CD99: variants seen among roughly 807,000 people sequenced by gnomAD.
CD99 encodes the protein CD99 molecule (Xg blood group).
CD99 carries 19 observed loss-of-function variants against 28.4 expected under a neutral mutation model. That is an observed-to-expected ratio of 0.67 (90% confidence interval 0.47 to 0.98). The LOEUF is 0.98. Among genes scored for constraint, CD99 ranks in the 50% least tolerant of loss-of-function variants. The pLI is 0.00. For synonymous variants in CD99, 103 were observed against 92.1 expected (o/e 1.12, Z -0.67); for missense variants, 283 against 248.8 (o/e 1.14, Z -0.92).
At chrX:2,733,585 T>A (rs755767560) in intron 8 of CD99, 2 of 561,792 alleles carry the variant, frequency 3.6e-6, no homozygotes, top group African/African-American at 3.7e-5. Flanking sequence ...AAGCTCATTA[T>A]AGCAAATCAT....
chrX:2,719,643 C>G lies in CD99; in HGVS notation c.149-18C>G. 3 of 1,612,264 alleles carry G rather than the reference C, an allele frequency of 1.9e-6. No homozygotes were observed. The highest frequency in any genetic ancestry group is 2.5e-6 in the Non-Finnish European group (3 of 1,178,336). On this transcript the variant is annotated intron_variant, in intron 3 of 9. Coordinates refer to ENST00000381192, the MANE Select transcript of CD99 (RefSeq NM_002414.5). ...TCTCTCTGGAATTTGGTATTAACTG[C>G]TCTTTCCCCTCTTTTAGGGGATGAC...
chrX:2,704,863 C>T (rs2048045149), intron 1 of CD99, among the ~76,000 whole-genome samples: 1 of 152,150 alleles, frequency 6.6e-6, no homozygotes, highest in Non-Finnish European at 1.5e-5. Flanking sequence ...CATGGGAGTG[C>T]GTCACAACAC....
chrX:2,693,214 C>T (rs1450821525), intron 1 of CD99, among the ~76,000 whole-genome samples: 1 of 151,498 alleles, frequency 6.6e-6, no homozygotes, highest in African/African-American at 2.4e-5. Context: ...ACGATGTCGG[C>T]TCATTGGCGT....
intron 8 of CD99, among the ~76,000 whole-genome samples, chrX:2,734,052 C>T (rs1037013309): frequency 1.3e-5 from 2 of 152,176 alleles, no homozygotes; most frequent in African/African-American, 4.8e-5. Flanking sequence ...CACATTTGAG[C>T]ACGGAGCCTC....
chrX:2,735,250 G>A (rs1489102390), intron 8 of CD99, among the ~76,000 whole-genome samples: 1 of 152,152 alleles, frequency 6.6e-6, no homozygotes, highest in Non-Finnish European at 1.5e-5. Context: ...ACAAAGCATA[G>A]GTACCCATTA....
intron 1 of CD99, among the ~76,000 whole-genome samples, chrX:2,711,993 G>C (rs774634190): frequency 6.6e-6 from 1 of 152,252 alleles, no homozygotes; most frequent in African/African-American, 2.4e-5. Flanking sequence ...AGTGAGCCAA[G>C]ATCATCGCAC....
At chrX:2,708,471 C>T (rs150783581) in intron 1 of CD99, among the ~76,000 whole-genome samples, 4 of 152,150 alleles carry the variant, frequency 2.6e-5, no homozygotes, top group East Asian at 3.9e-4. Flanking sequence ...GAGCCTTGAG[C>T]GATGGAAGCT....
chrX:2,741,172 C>A lies in CD99; in HGVS notation c.*368C>A. On this transcript the variant is annotated 3_prime_UTR_variant, in exon 10 of 10. Coordinates refer to ENST00000381192, the MANE Select transcript of CD99 (RefSeq NM_002414.5). ...TTACAAATCACGTGTCCATCGAGCA[C>A]GTCTGAAACCCCTGGTAGCCCCGAC... is the stretch of plus-strand genomic sequence containing the variant. 1 of 277,350 alleles carries A rather than the reference C, an allele frequency of 3.6e-6. No homozygotes were observed. The highest frequency in any genetic ancestry group is 6.6e-5 in the East Asian group (1 of 15,182). The allele number at this position is 277,350 out of a possible 1,614,324, so 17.2% of individuals were successfully genotyped here.
chrX:2,716,876 G>A (rs1455563139), intron 2 of CD99, among the ~76,000 whole-genome samples: 1 of 152,196 alleles, frequency 6.6e-6, no homozygotes, highest in Non-Finnish European at 1.5e-5. Context: ...GCAGAGGCCT[G>A]ACGGGGCCAA....
At chrX:2,691,686 C>G (rs1235691173) in intron 1 of CD99, 3 of 703,384 alleles carry the variant, frequency 4.3e-6, no homozygotes, top group African/African-American at 1.7e-5. Context: ...GTGGGGCGGC[C>G]TTGGGAGAGG....
chrX:2,722,354 C>G (rs759480361), intron 5 of CD99, among the ~76,000 whole-genome samples: 1 of 152,088 alleles, frequency 6.6e-6, no homozygotes, highest in Non-Finnish European at 1.5e-5. Flanking sequence ...GAGTTTAGCT[C>G]TTCTTGCCCA....
At chrX:2,735,546 G>A (rs2049888618) in intron 8 of CD99, among the ~76,000 whole-genome samples, 1 of 152,100 alleles carries the variant, frequency 6.6e-6, no homozygotes, top group Non-Finnish European at 1.5e-5. Flanking sequence ...CAGCTTTTAT[G>A]TAGTGTTTTA....
At chrX:2,726,411 T>C (rs774279612) in intron 8 of CD99, 38 bp downstream of exon 8, 4 of 1,286,772 alleles carry the variant, frequency 3.1e-6, no homozygotes, top group Non-Finnish European at 4.5e-6. Context: ...CTTCATGCCT[T>C]GCTGATTGGA....
intron 7 of CD99, among the ~76,000 whole-genome samples, chrX:2,723,716 C>T (rs753244652): frequency 2.5e-4 from 38 of 152,250 alleles, no homozygotes; most frequent in African/African-American, 6.0e-4. Flanking sequence ...TCCTCGGTTG[C>T]GCTTGGCCCT....
chrX:2,727,710 C>T (rs773467816), intron 8 of CD99, among the ~76,000 whole-genome samples: 1 of 152,274 alleles, frequency 6.6e-6, no homozygotes, highest in South Asian at 2.1e-4. Context: ...CTCCTCACCT[C>T]AAGTGATCCA....
At chrX:2,710,152 G>C (rs1278719454) in intron 1 of CD99, among the ~76,000 whole-genome samples, 1 of 117,834 alleles carries the variant, frequency 8.5e-6, no homozygotes, top group Non-Finnish European at 1.8e-5. Flanking sequence ...TGCAGGGTGT[G>C]GGGTGGAACC....
At chrX:2,716,229 G>C (rs1233480758) in intron 2 of CD99, among the ~76,000 whole-genome samples, 7 of 152,146 alleles carry the variant, frequency 4.6e-5, no homozygotes, top group African/African-American at 1.2e-4. Context: ...ATGTTGGTCA[G>C]GCTGGTTTCG....
At chrX:2,692,937 ACAGGGACCT>A (rs1467292754) in intron 1 of CD99, among the ~76,000 whole-genome samples, 1 of 152,182 alleles carries the variant, frequency 6.6e-6, no homozygotes, top group African/African-American at 2.4e-5. Flanking sequence ...AGACAGGGCC[ACAGGGACCT>A]TTATAGTTCC....
chrX:2,740,929 GTT>G lies in CD99; in HGVS notation c.*128_*129del. On this transcript the variant is annotated 3_prime_UTR_variant, in exon 10 of 10. Coordinates refer to ENST00000381192, the MANE Select transcript of CD99 (RefSeq NM_002414.5). The stretch of plus-strand genomic sequence containing the variant: ...GCCTTCTGTTCACGGCGGATTCTTT[GTT>G]TTAATCTTGCGATGTGCTTTGCTTG... 2 of 1,061,684 alleles carry G rather than the reference GTT, an allele frequency of 1.9e-6. No individual in the cohort carries two copies. Among genetic ancestry groups the G allele is most frequent in the African/African-American group, 1.6e-5 (1 of 63,866 alleles). 65.8% of individuals were successfully genotyped at this position (1,061,684 alleles called of 1,614,324 possible).
Sources: allele counts gnomAD v4.1 joint callset (sites outside exome capture counted in the v4.1 genomes callset), GRCh38; gene constraint gnomAD v4.1.1; transcripts MANE v1.5; gene names NCBI Gene and HGNC (gene_info 2026-07-23, HGNC 2026-07-21).